The following DENND5B variants were observed in gnomAD, a reference collection of about 807,000 sequenced individuals.
DENND5B encodes the protein DENN domain-containing protein 5B.
In DENND5B, 34 loss-of-function variants were observed where a neutral mutation model predicts 140.6. The observed-to-expected ratio is 0.24, with a 90% confidence interval of 0.18 to 0.32. The LOEUF is 0.32. DENND5B is among the 10% of genes least tolerant of loss of function. DENND5B has a pLI of 1.00. For synonymous variants in DENND5B, 551 were observed against 562.1 expected, an observed-to-expected ratio of 0.98 and a Z score of 0.28; for missense variants, 1,142 against 1,560.2, an observed-to-expected ratio of 0.73 and a Z score of 4.52.
chr12:31,448,901 C>G (rs1944391499), intron 5 of DENND5B, among the ~76,000 whole-genome samples: 1 of 152,202 alleles, frequency 6.6e-6, no homozygotes, highest in Non-Finnish European at 1.5e-5. Context: ...CAGAAGCAAG[C>G]CTTTGGAGAA....
intron 6 of DENND5B, 99 bp from the exon 7 acceptor site, chr12:31,443,024 C>CT: frequency 3.6e-6 from 4 of 1,098,846 alleles, no homozygotes; most frequent in Non-Finnish European, 5.1e-6. Context: ...CCCAATCACT[C>CT]TGACACTCTG....
rs1025813793 is a variant in DENND5B at position 31,399,749 on chromosome 12, G to A, written c.2973C>T (p.Thr991=). 5 of 1,613,710 alleles carry A rather than the reference G, an allele frequency of 3.1e-6. No individual in the cohort carries two copies. Among genetic ancestry groups the A allele is most frequent in the Non-Finnish European group, 4.2e-6 (5 of 1,179,812 alleles). Residue 991 remains threonine (T), a synonymous_variant, in exon 16 of 21, where the codon ACC becomes ACT. Transcript: ENST00000389082. ...AGTTATCGTGACCAATCTGAACAGTGGTCAGCTTCCCCAAGTTCTGGCACT... is the reference window on the plus strand; with the variant it reads ...AGTTATCGTGACCAATCTGAACAGTAGTCAGCTTCCCCAAGTTCTGGCACT... ...TFECQNLGKL[T]TVQIGHDNSG...
rs1487542660 is a variant in DENND5B, at chr12:31,547,354, G to C, written c.127+43352C>G. Reference sequence around the variant, plus strand: ...GAGCAGGCATTGAAGTATTTTAAAAGAAATCTTAGACATGATTAGATGAAA... The same window carrying C: ...GAGCAGGCATTGAAGTATTTTAAAACAAATCTTAGACATGATTAGATGAAA... On this transcript the variant is annotated intron_variant, in intron 1 of 20. Coordinates refer to ENST00000389082, the MANE Select transcript of DENND5B (RefSeq NM_144973.4). Among the ~76,000 whole-genome samples the C allele has an allele frequency of 2.0e-5, 3 of 152,132 alleles. No homozygotes were observed. The East Asian group carries it at 5.8e-4, about 29-fold the overall frequency.
At chr12:31,462,944 G>T (rs1419080395) in intron 3 of DENND5B, among the ~76,000 whole-genome samples, 3 of 150,950 alleles carry the variant, frequency 2.0e-5, no homozygotes, top group Non-Finnish European at 2.9e-5. Flanking sequence ...GGGCAACAGT[G>T]AGACTCCGTC....
rs750910741 is a variant in DENND5B at position 31,447,624 on chromosome 12, C to T, written c.1775G>A (p.Arg592Gln). 3.1e-6 allele frequency: 5 copies of T among 1,613,814 alleles called. No individual in the cohort carries two copies. The highest frequency in any genetic ancestry group is 1.1e-5 in the South Asian group (1 of 91,070). Reference sequence around the variant, plus strand: ...ATTATACAGCCTTATCTTATCAATCCGAGTGTCAAAGACCCGAAGCAAAGG... The same window carrying T: ...ATTATACAGCCTTATCTTATCAATCTGAGTGTCAAAGACCCGAAGCAAAGG... Reference protein sequence around the residue: ...KDPLLRVFDTRIDKIRLYNVR... With the variant: ...KDPLLRVFDTQIDKIRLYNVR... Residue 592 changes from arginine to glutamine, a missense_variant, in exon 6 of 21, where the codon CGG becomes CAG. Arg to Gln is a conservative substitution (Grantham distance 43). Around this residue, in one of 5 missense-constraint regions of DENND5B, gnomAD observed 708 missense variants for 905.5 expected, o/e 0.78. Transcript: ENST00000389082.
Position 31,384,079 on chromosome 12 carries a change from C to T in DENND5B, c.*3524G>A, listed in dbSNP as rs184252119. On this transcript the variant is annotated 3_prime_UTR_variant, in exon 21 of 21. Coordinates refer to ENST00000389082, the MANE Select transcript of DENND5B (RefSeq NM_144973.4). ...TGCCTCTATGTGGGTATGGTCCTTC[C>T]AAAAGTCAGCTTAAAAGTCAAGCAT... 11 of 151,946 alleles carry T rather than the reference C, an allele frequency of 7.2e-5. No homozygotes were observed. The East Asian group carries it at 2.1e-3, about 30-fold the overall frequency. The allele number at this position is 151,946 out of a possible 1,614,324, so 9.4% of individuals were successfully genotyped here.
chr12:31,450,380 G>A (rs1944461469), intron 5 of DENND5B, among the ~76,000 whole-genome samples: 1 of 151,304 alleles, frequency 6.6e-6, no homozygotes, highest in Non-Finnish European at 1.5e-5. Context: ...GTTTTTTTGA[G>A]ACAGGGTCTC....
At chr12:31,574,463 G>C (rs1464272872) in intron 1 of DENND5B, among the ~76,000 whole-genome samples, 1 of 151,860 alleles carries the variant, frequency 6.6e-6, no homozygotes, top group African/African-American at 2.4e-5. Context: ...GCTGGTGCAT[G>C]CCTGTAGTCC....
chr12:31,396,456 C>T (rs1941478567), intron 17 of DENND5B: 1 of 152,128 alleles, frequency 6.6e-6, no homozygotes, highest in African/African-American at 2.4e-5. Context: ...TAGCATGGCC[C>T]CTGCACGAGG....
At chr12:31,441,719 G>A (rs1360431483) in intron 7 of DENND5B, among the ~76,000 whole-genome samples, 3 of 152,012 alleles carry the variant, frequency 2.0e-5, no homozygotes, top group Non-Finnish European at 4.4e-5. Flanking sequence ...TTTTGAGACA[G>A]GGCCTGTTTC....
At chr12:31,460,416 C>T in intron 3 of DENND5B, 35 bp from the exon 4 acceptor site, 6 of 1,567,128 alleles carry the variant, frequency 3.8e-6, no homozygotes, top group Non-Finnish European at 5.2e-6. Context: ...AGGGAAGAGT[C>T]CAAGTAAAAA....
In DENND5B at chr12:31,385,158, G is replaced by A. The variant is rs1171885347; in HGVS notation, c.*2445C>T. The A allele has an allele frequency of 6.6e-6, 1 of 152,120 alleles. No homozygotes were observed. The highest frequency in any genetic ancestry group is 1.5e-5 in the Non-Finnish European group (1 of 68,016). The allele number at this position is 152,120 out of a possible 1,614,324, so 9.4% of individuals were successfully genotyped here. A position where few individuals can be genotyped will look rare whatever the true frequency, so the allele number is the denominator to read the frequency against. ...AATATGAATATTAATTCTTCTAAATGAATATTCATCCTTATTTCCTACTTG... is the reference window on the plus strand; with the variant it reads ...AATATGAATATTAATTCTTCTAAATAAATATTCATCCTTATTTCCTACTTG... On this transcript the variant is annotated 3_prime_UTR_variant, in exon 21 of 21. Coordinates refer to ENST00000389082, the MANE Select transcript of DENND5B (RefSeq NM_144973.4).
At chr12:31,394,340 C>T (rs10771826) in intron 17 of DENND5B, among the ~76,000 whole-genome samples, 58,225 of 151,670 alleles carry the variant, frequency 0.38, 12,038 homozygotes, top group East Asian at 0.57. Context: ...GACTTTTCTG[C>T]TTATAGCATG....
intron 2 of DENND5B, among the ~76,000 whole-genome samples, chr12:31,483,518 G>A (rs920389752): frequency 1.3e-5 from 2 of 151,336 alleles, no homozygotes; most frequent in Admixed American, 6.6e-5. Flanking sequence ...TCGGCTCCCT[G>A]CAACCTCTGC....
intron 16 of DENND5B, 68 bp from the exon 17 acceptor site, chr12:31,398,430 G>T (rs1941604730): frequency 1.4e-6 from 2 of 1,437,008 alleles, no homozygotes; most frequent in Non-Finnish European, 1.9e-6. Context: ...TCAGCCCCCT[G>T]AGTAGTTGAG....
At chr12:31,582,438 A>C (rs1227236202) in intron 1 of DENND5B, among the ~76,000 whole-genome samples, 2 of 152,230 alleles carry the variant, frequency 1.3e-5, no homozygotes, top group African/African-American at 4.8e-5. Flanking sequence ...AAAAAACTAT[A>C]AACTCACCTA....
Position 31,435,414 on chromosome 12 carries a change from C to T in DENND5B, c.2013-2166G>A, listed in dbSNP as rs1367657285. Among the ~76,000 whole-genome samples the T allele has an allele frequency of 9.9e-5, 15 of 152,134 alleles. No homozygotes were observed. In the East Asian group the frequency reaches 2.7e-3, roughly 27 times the overall value. Reference sequence around the variant, plus strand: ...TCCTTGACCAATTCTCCCGTCTTTTCAACCCGCTCCATTAGTCACCTCCTT... The same window carrying T: ...TCCTTGACCAATTCTCCCGTCTTTTTAACCCGCTCCATTAGTCACCTCCTT... On this transcript the variant is annotated intron_variant, in intron 7 of 20. Coordinates refer to ENST00000389082, the MANE Select transcript of DENND5B (RefSeq NM_144973.4).
chr12:31,393,088 G>A (rs1396187637), intron 17 of DENND5B, among the ~76,000 whole-genome samples: 1 of 152,088 alleles, frequency 6.6e-6, no homozygotes, highest in Admixed American at 6.6e-5. Flanking sequence ...CCAAATATGA[G>A]AAGCAAGGTT....
At chr12:31,585,519 G>A (rs1950367521) in intron 1 of DENND5B, among the ~76,000 whole-genome samples, 2 of 152,192 alleles carry the variant, frequency 1.3e-5, no homozygotes, top group Non-Finnish European at 2.9e-5. Flanking sequence ...AATGAGTCAA[G>A]CTCATCTTTT....
Sources: gnomAD v4.1 joint callset for allele counts (sites outside exome capture counted in the v4.1 genomes callset) on GRCh38, gnomAD v4.1.1 for gene constraint, gnomAD v4.1.1 regional missense constraint, MANE v1.5 for transcripts, NCBI Gene and HGNC (gene_info 2026-07-23, HGNC 2026-07-21) for gene names.